DCDC2: variants seen among roughly 807,000 people sequenced by gnomAD.
DCDC2 encodes the protein doublecortin domain containing 2.
DCDC2 carries 40 observed loss-of-function variants against 50.2 expected under a neutral mutation model. The observed-to-expected ratio is 0.80, with a 90% CI of 0.62 to 1.04. The LOEUF is 1.04. DCDC2 is among the 50% of genes least tolerant of loss of function. The pLI, the probability that DCDC2 is intolerant of heterozygous loss-of-function variation, is 0.00. For synonymous variants in DCDC2, 234 were observed against 210.6 expected (o/e 1.11, Z -0.96); for missense variants, 570 against 581.9 (o/e 0.98, Z 0.21).
In DCDC2 at chr6:24,278,315, G is replaced by A. The variant is rs902192791; in HGVS notation, c.760-104C>T. ...TACTGGTAAGCAGGGCAGGGGCAGG[G>A]AGGTGTATTGTCCTGGTTCTGCAAC... On this transcript the variant is annotated intron_variant, in intron 6 of 9. Transcript: ENST00000378454. 9 of 1,041,214 alleles carry A rather than the reference G, an allele frequency of 8.6e-6. No homozygotes were observed. In the South Asian group the frequency reaches 1.5e-4, roughly 17 times the overall value. 64.5% of individuals were successfully genotyped at this position (1,041,214 alleles called of 1,614,324 possible).
chr6:24,217,348 T>C (rs890175098), intron 7 of DCDC2, among the ~76,000 whole-genome samples: 3 of 152,226 alleles, frequency 2.0e-5, no homozygotes, highest in Non-Finnish European at 4.4e-5. Context: ...TGATCCCAAT[T>C]ATTACCGAGT....
chr6:24,350,831 T>C (rs553122462), intron 2 of DCDC2, among the ~76,000 whole-genome samples: 3 of 152,286 alleles, frequency 2.0e-5, no homozygotes, highest in Non-Finnish European at 4.4e-5. Context: ...CTCAACACAT[T>C]AATGTTGAAA....
chr6:24,297,408 G>T (rs192698823), intron 4 of DCDC2, among the ~76,000 whole-genome samples: 5 of 152,074 alleles, frequency 3.3e-5, no homozygotes, highest in Admixed American at 2.6e-4. Flanking sequence ...ACAAACTACC[G>T]TGACACAAGT....
At chr6:24,373,841 G>A in the DCDC2 span, among the ~76,000 whole-genome samples, 2 of 152,146 alleles carry the variant, frequency 1.3e-5, no homozygotes, top group African/African-American at 4.8e-5. Context: ...TCATTTAGAA[G>A]GAAGAAAGTG....
intron 6 of DCDC2, 103 bp downstream of exon 6, chr6:24,288,749 C>T (rs1006059795): frequency 1.4e-5 from 14 of 1,010,272 alleles, no homozygotes; most frequent in Admixed American, 1.9e-5. Flanking sequence ...CACCACGAAG[C>T]GGCTAAGTTT....
At position 24,299,163 on chromosome 6, in the gene DCDC2, A is replaced by G. The variant is rs1759320951; in HGVS notation, c.557+2552T>C. Among the ~76,000 whole-genome samples, 3 of 152,212 alleles carry G rather than the reference A, an allele frequency of 2.0e-5. No individual in the cohort carries two copies. In the South Asian group the frequency reaches 6.2e-4, roughly 32 times the overall value. On this transcript the variant is annotated intron_variant, in intron 4 of 9. Transcript: ENST00000378454. The stretch of plus-strand genomic sequence containing the variant: ...CATGGAATACTACGCAGCCAGGAAA[A>G]TACTGAAATCCTGTCCTTTGCAGCA...
chr6:24,382,009 A>AAGGAAGGAAGGAAGGAAGGCAGGCAGGC, the DCDC2 span, among the ~76,000 whole-genome samples: 13 of 116,500 alleles, frequency 1.1e-4, no homozygotes, highest in South Asian at 1.4e-3. Flanking sequence ...GGAAGGAAGG[A>AAGGAAGGAAGGAAGGAAGGCAGGCAGGC]AGGCAGGCAA....
chr6:24,359,168 T>TTTATATA (rs1760583896), upstream of DCDC2, among the ~76,000 whole-genome samples: 2 of 70,540 alleles, frequency 2.8e-5, no homozygotes, highest in South Asian at 4.3e-4. Context: ...TTTTATATAT[T>TTTATATA]TTATATATAT....
chr6:24,325,313 G>T (rs1440412307), intron 2 of DCDC2, among the ~76,000 whole-genome samples: 2 of 149,620 alleles, frequency 1.3e-5, no homozygotes, highest in Non-Finnish European at 3.0e-5. Context: ...TCCTCTGGGC[G>T]AAAGGAAAAT....
intron 2 of DCDC2, among the ~76,000 whole-genome samples, chr6:24,303,026 G>A (rs1759410522): frequency 6.6e-6 from 1 of 151,908 alleles, no homozygotes; most frequent in Non-Finnish European, 1.5e-5. Flanking sequence ...GCCTGTCTCA[G>A]AAGGAACTAT....
the DCDC2 span, among the ~76,000 whole-genome samples, chr6:24,366,299 C>G: frequency 2.0e-5 from 3 of 152,028 alleles, no homozygotes; most frequent in African/African-American, 7.2e-5. Flanking sequence ...CTACATAAAC[C>G]AAATACCGTA....
rs567603330 is a variant in DCDC2 at position 24,293,064 on chromosome 6, A to T, written c.558-1986T>A. 2.0e-5 allele frequency among the ~76,000 whole-genome samples: 3 copies of T among 152,346 alleles called. No homozygotes were observed. In the South Asian group the frequency reaches 6.2e-4, roughly 32 times the overall value. Reference sequence around the variant, plus strand: ...GCTGTGGACTCTGGAAACAGCCAAGATTTGACTTGTTTCCTCTGCAGGTAA... The same window carrying T: ...GCTGTGGACTCTGGAAACAGCCAAGTTTTGACTTGTTTCCTCTGCAGGTAA... On this transcript the variant is annotated intron_variant, in intron 4 of 9. Transcript: ENST00000378454.
chr6:24,297,561 C>G (rs1231612213), intron 4 of DCDC2, among the ~76,000 whole-genome samples: 1 of 152,016 alleles, frequency 6.6e-6, no homozygotes, highest in East Asian at 1.9e-4. Context: ...TATTTTATTT[C>G]TGTGTGTAAA....
At chr6:24,275,536 G>T (rs1296565958) in intron 7 of DCDC2, among the ~76,000 whole-genome samples, 1 of 152,046 alleles carries the variant, frequency 6.6e-6, no homozygotes, top group Non-Finnish European at 1.5e-5. Context: ...AAGCCAGTTA[G>T]TGAAGGAAAA....
intron 7 of DCDC2, among the ~76,000 whole-genome samples, chr6:24,232,744 T>C (rs1196494261): frequency 2.0e-5 from 3 of 152,104 alleles, no homozygotes; most frequent in Non-Finnish European, 4.4e-5. Context: ...GAGCTCTCTA[T>C]AGCTTGACAC....
chr6:24,172,574 T>A lies in DCDC2; in HGVS notation c.*2156A>T, dbSNP rs539180371. On this transcript the variant is annotated 3_prime_UTR_variant, in exon 10 of 10. Transcript: ENST00000378454. Reference sequence around the variant, plus strand: ...GGAAAAGAGAAAGAGAAACTCTCCATTGAAGAAACAAAAGAGAATCACCTT... The same window carrying A: ...GGAAAAGAGAAAGAGAAACTCTCCAATGAAGAAACAAAAGAGAATCACCTT... 1 of 152,162 alleles carries A rather than the reference T, an allele frequency of 6.6e-6. No homozygotes were observed. The highest frequency in any genetic ancestry group is 2.1e-4 in the South Asian group (1 of 4,824). The allele number at this position is 152,162 out of a possible 1,614,324, so 9.4% of individuals were successfully genotyped here. A position where few individuals can be genotyped will look rare whatever the true frequency, so the allele number is the denominator to read the frequency against.
intron 2 of DCDC2, among the ~76,000 whole-genome samples, chr6:24,332,747 A>G (rs1007475060): frequency 2.0e-5 from 3 of 152,210 alleles, no homozygotes; most frequent in Non-Finnish European, 4.4e-5. Flanking sequence ...AACTCATTAC[A>G]GCCATTTTCA....
chr6:24,201,390 C>T (rs1412708072), intron 8 of DCDC2, among the ~76,000 whole-genome samples: 1 of 152,160 alleles, frequency 6.6e-6, no homozygotes, highest in Non-Finnish European at 1.5e-5. Context: ...GAACAACCTG[C>T]TCCTGAATGA....
At chr6:24,245,139 A>G (rs892146841) in intron 7 of DCDC2, among the ~76,000 whole-genome samples, 1 of 152,234 alleles carries the variant, frequency 6.6e-6, no homozygotes, top group Non-Finnish European at 1.5e-5. Context: ...GGTTGCAGTG[A>G]GCTGAGATCA....
Sources: allele counts gnomAD v4.1 joint callset (sites outside exome capture counted in the v4.1 genomes callset), GRCh38; gene constraint gnomAD v4.1.1; transcripts MANE v1.5; gene names NCBI Gene and HGNC (gene_info 2026-07-23, HGNC 2026-07-21).